METTL15: variants seen among roughly 807,000 people sequenced by gnomAD.
METTL15 encodes 12S rRNA N(4)-cytidine methyltransferase METTL15.
Under a neutral mutation model 38.3 loss-of-function variants are expected in METTL15, and 34 were observed. The ratio of observed to expected loss-of-function variants is 0.89; its 90% CI spans 0.68 to 1.18. The LOEUF (loss-of-function observed/expected upper bound fraction) is 1.18, where lower values mean the gene tolerates loss of function less well. Among genes scored for constraint, METTL15 ranks in the 50% most tolerant of loss-of-function variants. The pLI is 0.00. For synonymous variants in METTL15, 162 were observed against 170.9 expected (o/e 0.95, Z 0.41); for missense variants, 438 against 498.4 (o/e 0.88, Z 1.15).
intron 6 of METTL15, among the ~76,000 whole-genome samples, chr11:28,437,887 T>C (rs748860959): frequency 1.3e-5 from 2 of 152,214 alleles, no homozygotes; most frequent in African/African-American, 2.4e-5. Flanking sequence ...AATGAATGAA[T>C]GCGTGAATAA....
intron 6 of METTL15, among the ~76,000 whole-genome samples, chr11:28,476,405 C>CT (rs1367176476): frequency 1.3e-4 from 20 of 152,140 alleles, no homozygotes; most frequent in Non-Finnish European, 2.9e-4. Flanking sequence ...AGTGGTGACT[C>CT]TAACAAGACC....
chr11:28,326,952 T>C (rs553107820), intron 6 of METTL15, among the ~76,000 whole-genome samples: 27 of 149,028 alleles, frequency 1.8e-4, no homozygotes, highest in Non-Finnish European at 3.8e-4. Context: ...CACATGCTAT[T>C]TTATATTCTT....
At chr11:28,433,986 A>G (rs1203731918) in intron 6 of METTL15, among the ~76,000 whole-genome samples, 1 of 152,196 alleles carries the variant, frequency 6.6e-6, no homozygotes, top group Non-Finnish European at 1.5e-5. Flanking sequence ...ATCGTTCTGC[A>G]TTTAAGAGGC....
chr11:28,221,780 C>T (rs1377034373), intron 4 of METTL15, among the ~76,000 whole-genome samples: 1 of 152,102 alleles, frequency 6.6e-6, no homozygotes, highest in Non-Finnish European at 1.5e-5. Context: ...CAGTCAGGAC[C>T]CTCAGCTGCA....
chr11:28,194,151 T>TCTTTCTTTCTTTCTTC (rs1276511412), intron 3 of METTL15, among the ~76,000 whole-genome samples: 2 of 111,126 alleles, frequency 1.8e-5, no homozygotes, highest in African/African-American at 7.0e-5. Flanking sequence ...TTTCTTTCTT[T>TCTTTCTTTCTTTCTTC]CTTTCTTTCT....
chr11:28,428,912 C>A (rs1449463878), intron 6 of METTL15, among the ~76,000 whole-genome samples: 1 of 152,192 alleles, frequency 6.6e-6, no homozygotes, highest in Non-Finnish European at 1.5e-5. Context: ...AAAGCCCAGG[C>A]CCTGCTGGAG....
At chr11:28,120,944 A>ATGT (rs1331883693) in intron 3 of METTL15, among the ~76,000 whole-genome samples, 2 of 152,164 alleles carry the variant, frequency 1.3e-5, no homozygotes, top group African/African-American at 4.8e-5. Flanking sequence ...AGCTGTCTCA[A>ATGT]CACAGGCATT....
Position 28,401,735 on chromosome 11 carries a change from G to C in METTL15, c.*359-22564G>C, listed in dbSNP as rs146262750. Among the ~76,000 whole-genome samples the C allele has an allele frequency of 4.2e-3, 641 of 151,858 alleles. 13 individuals carry two copies. The highest frequency in any genetic ancestry group is 0.011 in the East Asian group (56 of 5,142). ...TCTCAATCCTCATTTGGCTAGTTAAGAGTGACTAAAAAAAAACCACTACTC... is the reference window on the plus strand; with the variant it reads ...TCTCAATCCTCATTTGGCTAGTTAACAGTGACTAAAAAAAAACCACTACTC... On this transcript the variant is annotated intron_variant and NMD_transcript_variant, in intron 5 of 7. Transcript: ENST00000532947.
chr11:28,494,721 A>G (rs1258750615), intron 6 of METTL15, among the ~76,000 whole-genome samples: 2 of 152,108 alleles, frequency 1.3e-5, no homozygotes, highest in African/African-American at 4.8e-5. Flanking sequence ...AGTATGTCTC[A>G]TGAGATCTGA....
intron 3 of METTL15, among the ~76,000 whole-genome samples, chr11:28,177,927 T>C (rs1280499902): frequency 6.6e-6 from 1 of 151,986 alleles, no homozygotes; most frequent in African/African-American, 2.4e-5. Flanking sequence ...TGGGACAAAA[T>C]TGAAGACATA....
chr11:28,366,219 G>A (rs1263405690), intron 5 of METTL15, among the ~76,000 whole-genome samples: 1 of 151,908 alleles, frequency 6.6e-6, no homozygotes, highest in Non-Finnish European at 1.5e-5. Flanking sequence ...TTAAGAACAG[G>A]AGCAACTCAG....
At chr11:28,404,596 TCACATTG>T (rs1850658515) in intron 5 of METTL15, among the ~76,000 whole-genome samples, 1 of 152,086 alleles carries the variant, frequency 6.6e-6, no homozygotes, top group South Asian at 2.1e-4. Flanking sequence ...CCTAGCACCA[TCACATTG>T]GTGATTAGGT....
chr11:28,265,657 C>A (rs770635908), intron 4 of METTL15, among the ~76,000 whole-genome samples: 1 of 151,984 alleles, frequency 6.6e-6, no homozygotes, highest in Non-Finnish European at 1.5e-5. Context: ...TCTTTTCTTT[C>A]CTATCTAGAT....
intron 6 of METTL15, among the ~76,000 whole-genome samples, chr11:28,424,535 G>A (rs912881057): frequency 1.3e-5 from 2 of 152,174 alleles, no homozygotes; most frequent in Admixed American, 6.5e-5. Context: ...AATCCCTTCA[G>A]AAAAGCATTA....
At chr11:28,406,949 G>A (rs1253989353) in intron 5 of METTL15, among the ~76,000 whole-genome samples, 2 of 152,126 alleles carry the variant, frequency 1.3e-5, no homozygotes, top group Admixed American at 1.3e-4. Flanking sequence ...TAATCAGGTG[G>A]CTTTTGTCTT....
intron 3 of METTL15, among the ~76,000 whole-genome samples, chr11:28,143,267 T>A (rs191180049): frequency 3.7e-4 from 56 of 152,232 alleles, no homozygotes; most frequent in Admixed American, 5.2e-4. Context: ...ACCCATGTGA[T>A]ACAGTCCTTG....
At chr11:28,383,851 G>A (rs966748526) in intron 5 of METTL15, among the ~76,000 whole-genome samples, 3 of 151,972 alleles carry the variant, frequency 2.0e-5, no homozygotes, top group African/African-American at 7.3e-5. Flanking sequence ...TGCACATGGA[G>A]GTTTGTTAGA....
At chr11:28,242,022 A>G (rs1375036003) in intron 4 of METTL15, among the ~76,000 whole-genome samples, 2 of 152,192 alleles carry the variant, frequency 1.3e-5, no homozygotes, top group Non-Finnish European at 2.9e-5. Context: ...TGTTGAGTAC[A>G]CTCTCAAGGA....
intron 6 of METTL15, among the ~76,000 whole-genome samples, chr11:28,431,176 C>T (rs201614364): frequency 0.87 from 67,446 of 77,166 alleles, 30,426 homozygotes; most frequent in Middle Eastern, 0.97. Flanking sequence ...GCCCCCTGCC[C>T]GGCCATCCGC....
Sources: gnomAD v4.1 joint callset for allele counts (sites outside exome capture counted in the v4.1 genomes callset) on GRCh38, gnomAD v4.1.1 for gene constraint, MANE v1.5 for transcripts, NCBI Gene and HGNC (gene_info 2026-07-23, HGNC 2026-07-21) for gene names.